The following CDC42BPB variants were observed in gnomAD, a reference collection of about 807,000 sequenced individuals.
The protein encoded by CDC42BPB is CDC42 binding protein kinase beta.
CDC42BPB carries 37 observed loss-of-function variants against 214.9 expected under a neutral mutation model. The ratio of observed to expected loss-of-function variants is 0.17; its 90% CI spans 0.13 to 0.23. The LOEUF (loss-of-function observed/expected upper bound fraction) is 0.23. Ranked by LOEUF, CDC42BPB falls within the 10% of genes least tolerant of loss-of-function variation. The pLI is 1.00. For missense variants in CDC42BPB, 1,694 were observed against 2,227.0 expected (o/e 0.76, Z 4.82); for synonymous variants, 931 against 884.0 (o/e 1.05, Z -0.94).
At chr14:102,993,254 A>G (rs1894578144) in intron 5 of CDC42BPB, among the ~76,000 whole-genome samples, 1 of 141,778 alleles carries the variant, frequency 7.1e-6, no homozygotes, top group Admixed American at 7.2e-5. Context: ...CATACGTTAT[A>G]TATACTACGT....
chr14:103,035,348 C>T lies in CDC42BPB; in HGVS notation c.175+21651G>A, dbSNP rs1053211645. On this transcript the variant is annotated intron_variant, in intron 1 of 36. Coordinates refer to ENST00000361246, the MANE Select transcript of CDC42BPB (RefSeq NM_006035.4). Reference sequence around the variant, plus strand: ...CTGGGATTACAGGTGTGAGCCACCGCGCCCAGCTCAAGTGGTTTTATAAAT... The same window carrying T: ...CTGGGATTACAGGTGTGAGCCACCGTGCCCAGCTCAAGTGGTTTTATAAAT... Among the ~76,000 whole-genome samples the T allele has an allele frequency of 2.1e-4, 32 of 152,246 alleles. 1 individual carries two copies. The highest frequency in any genetic ancestry group is 3.3e-4 in the Admixed American group (5 of 15,280).
intron 6 of CDC42BPB, 177 bp downstream of exon 6, chr14:102,986,310 T>C: frequency 5.4e-6 from 3 of 554,328 alleles, no homozygotes; most frequent in Non-Finnish European, 9.7e-6. Flanking sequence ...CTTTCCAACT[T>C]AATTTTTATT....
chr14:102,971,416 C>T (rs1012010016), intron 13 of CDC42BPB, among the ~76,000 whole-genome samples: 2 of 152,206 alleles, frequency 1.3e-5, no homozygotes, highest in Non-Finnish European at 2.9e-5. Flanking sequence ...CCAACAGTGT[C>T]GAATGGTGCT....
At chr14:103,027,867 C>T (rs1466824473) in intron 1 of CDC42BPB, among the ~76,000 whole-genome samples, 3 of 152,214 alleles carry the variant, frequency 2.0e-5, no homozygotes, top group South Asian at 2.1e-4. Flanking sequence ...TGGTGGATCA[C>T]GCCTGTAATC....
At chr14:102,972,187 T>C (rs1893504615) in intron 12 of CDC42BPB, 26 bp from the exon 13 acceptor site, 1 of 1,606,752 alleles carries the variant, frequency 6.2e-7, no homozygotes, top group African/African-American at 1.3e-5. Context: ...TATAGATGTT[T>C]TACGTTTGCC....
intron 20 of CDC42BPB, 29 bp downstream of exon 20, chr14:102,963,032 T>C: frequency 1.0e-6 from 1 of 997,722 alleles, no homozygotes; most frequent in Non-Finnish European, 1.6e-6. Context: ...TATATTCAAA[T>C]AATGCAGAAT....
chr14:102,999,852 A>G, intron 4 of CDC42BPB, 139 bp from the exon 5 acceptor site: 3 of 1,470,932 alleles, frequency 2.0e-6, no homozygotes. Flanking sequence ...TCTGTCACCC[A>G]AGACCCTCCT....
chr14:103,033,444 T>G (rs1260918972), intron 1 of CDC42BPB, among the ~76,000 whole-genome samples: 1 of 151,956 alleles, frequency 6.6e-6, no homozygotes, highest in South Asian at 2.1e-4. Flanking sequence ...GGATGGTCTC[T>G]ATCTCCTGAC....
intron 1 of CDC42BPB, among the ~76,000 whole-genome samples, chr14:103,036,047 A>T (rs1272445243): frequency 1.3e-5 from 2 of 151,980 alleles, no homozygotes; most frequent in African/African-American, 2.4e-5. Flanking sequence ...GCTACTGGGG[A>T]TGCTGAGGTG....
intron 11 of CDC42BPB, chr14:102,974,423 G>A: frequency 2.1e-6 from 2 of 936,682 alleles, no homozygotes; most frequent in Non-Finnish European, 1.3e-6. Flanking sequence ...CCCTTGGGTG[G>A]CGCACACACT....
At chr14:102,953,470 T>A (rs1035694528) in intron 23 of CDC42BPB, among the ~76,000 whole-genome samples, 2 of 152,226 alleles carry the variant, frequency 1.3e-5, no homozygotes, top group African/African-American at 2.4e-5. Flanking sequence ...GGTAGCCTCA[T>A]AGAAGTTTGG....
At chr14:102,986,870 G>T in intron 5 of CDC42BPB, 1 of 250,590 alleles carries the variant, frequency 4.0e-6, no homozygotes, top group Non-Finnish European at 6.3e-6. Context: ...TTGGTGCCAG[G>T]CACTGCTCTC....
At chr14:102,968,817 C>G (rs1240073078) in intron 14 of CDC42BPB, 101 bp from the exon 15 acceptor site, 1 of 1,545,508 alleles carries the variant, frequency 6.5e-7, no homozygotes, top group African/African-American at 1.4e-5. Flanking sequence ...GACACCTTCC[C>G]AAGGACTGTG....
In CDC42BPB at chr14:103,004,569, C is replaced by T. The variant is rs539699380; in HGVS notation, c.352-546G>A. On this transcript the variant is annotated intron_variant, in intron 3 of 36. Transcript: ENST00000361246. The surrounding 1 kb of genome is among the most constrained non-coding windows in gnomAD (Gnocchi z 5.3). ...CAAGAGGCTGCCCTCTACCCTGCTACGTCTTCCAAAAGAGTTTTAATGCCC... is the reference window on the plus strand; with the variant it reads ...CAAGAGGCTGCCCTCTACCCTGCTATGTCTTCCAAAAGAGTTTTAATGCCC... Among the ~76,000 whole-genome samples the T allele has an allele frequency of 6.6e-6, 1 of 152,220 alleles. No individual in the cohort carries two copies. The highest frequency in any genetic ancestry group is 6.5e-5 in the Admixed American group (1 of 15,284).
At chr14:102,987,465 C>A (rs535648641) in intron 5 of CDC42BPB, among the ~76,000 whole-genome samples, 19 of 152,208 alleles carry the variant, frequency 1.2e-4, no homozygotes, top group Non-Finnish European at 2.5e-4. Context: ...GGCACCACTT[C>A]TAACAGCCAA....
intron 2 of CDC42BPB, 136 bp downstream of exon 2, chr14:103,011,961 G>A (rs1555393722): frequency 2.9e-6 from 2 of 680,968 alleles, no homozygotes; most frequent in Admixed American, 4.8e-5. Flanking sequence ...GAAAGAGAGA[G>A]AGGAAAAAAC....
At chr14:102,939,342 C>A (rs1464808508) in intron 34 of CDC42BPB, among the ~76,000 whole-genome samples, 1 of 152,246 alleles carries the variant, frequency 6.6e-6, no homozygotes, top group Non-Finnish European at 1.5e-5. Flanking sequence ...AGGAAGCCCT[C>A]ACAGGCCGAA....
intron 26 of CDC42BPB, 75 bp downstream of exon 26, chr14:102,949,690 G>A: frequency 6.3e-7 from 1 of 1,582,642 alleles, no homozygotes; most frequent in South Asian, 1.1e-5. Flanking sequence ...GACTACTAAG[G>A]AACACACCGT....
intron 1 of CDC42BPB, among the ~76,000 whole-genome samples, chr14:103,048,728 G>T (rs562595002): frequency 6.8e-6 from 1 of 146,126 alleles, no homozygotes; most frequent in African/African-American, 2.6e-5. Flanking sequence ...AAAAAAATTA[G>T]CCAGGTGTGA....
Sources: allele counts gnomAD v4.1 joint callset (sites outside exome capture counted in the v4.1 genomes callset), GRCh38; gene constraint gnomAD v4.1.1; non-coding constraint Gnocchi (gnomAD v3.1); transcripts MANE v1.5; gene names NCBI Gene and HGNC (gene_info 2026-07-23, HGNC 2026-07-21).